SNRPG: variants seen among roughly 807,000 people sequenced by gnomAD.
SNRPG encodes small nuclear ribonucleoprotein polypeptide G.
A neutral mutation model predicts 13.9 loss-of-function variants in SNRPG; 3 were observed. The observed-to-expected ratio is 0.22, with a 90% CI of 0.10 to 0.56. The LOEUF is 0.56. SNRPG is among the 20% of genes least tolerant of loss of function. SNRPG has a pLI of 0.93. For missense variants in SNRPG, 34 were observed against 96.1 expected (o/e 0.35, Z 2.70); for synonymous variants, 29 against 29.3 (o/e 0.99, Z 0.03).
intron 1 of SNRPG, chr2:70,293,060 C>T: frequency 1.4e-6 from 1 of 689,758 alleles, no homozygotes; most frequent in East Asian, 2.7e-5. Context: ...ATAGTTTCAA[C>T]ATCAGAGCAA....
chr2:70,285,457 A>G (rs1209571424), intron 3 of SNRPG, among the ~76,000 whole-genome samples: 2 of 152,252 alleles, frequency 1.3e-5, no homozygotes, highest in African/African-American at 2.4e-5. Context: ...CTGTAGTCCC[A>G]GCTACTCGGG....
chr2:70,288,257 A>G, intron 2 of SNRPG, 65 bp from the exon 3 acceptor site: 1 of 1,386,994 alleles, frequency 7.2e-7, no homozygotes, highest in South Asian at 1.2e-5. Flanking sequence ...TTCACTAAAA[A>G]TCAGGTGGGA....
chr2:70,293,580 T>C, intron 1 of SNRPG, 38 bp downstream of exon 1: 1 of 1,587,442 alleles, frequency 6.3e-7, no homozygotes, highest in Non-Finnish European at 8.7e-7. Flanking sequence ...AGGACGCAAA[T>C]AACTGACCAC....
chr2:70,283,096 C>CAAAAAAAAAAAAAAAAAAA (rs57862220), intron 3 of SNRPG, among the ~76,000 whole-genome samples: 12 of 14,038 alleles, frequency 8.5e-4, no homozygotes, highest in African/African-American at 2.7e-3. Context: ...TGTCTTTTGT[C>CAAAAAAAAAAAAAAAAAAA]AAAAAAAAAA....
At chr2:70,290,823 T>TGAAAAAAA (rs1559045715) in intron 1 of SNRPG, among the ~76,000 whole-genome samples, 1 of 25,262 alleles carries the variant, frequency 4.0e-5, no homozygotes, top group African/African-American at 1.9e-4. Context: ...CCGTCTCTAC[T>TGAAAAAAA]AAAAAAAAAA....
At chr2:70,291,478 T>G (rs557494137) in intron 1 of SNRPG, among the ~76,000 whole-genome samples, 33 of 152,270 alleles carry the variant, frequency 2.2e-4, no homozygotes. Flanking sequence ...CCAGTTAATT[T>G]TGTATTGTTG....
chr2:70,291,014 A>AAAACACAC (rs376564500), intron 1 of SNRPG, among the ~76,000 whole-genome samples: 1 of 133,584 alleles, frequency 7.5e-6, no homozygotes, highest in African/African-American at 2.8e-5. Context: ...TCCATCTCAA[A>AAAACACAC]ACACACACAC....
intron 3 of SNRPG, among the ~76,000 whole-genome samples, chr2:70,283,721 G>T (rs1233202265): frequency 6.6e-6 from 1 of 152,164 alleles, no homozygotes; most frequent in Non-Finnish European, 1.5e-5. Context: ...GAACCTGGCA[G>T]CCAATTATCA....
At chr2:70,283,861 C>G (rs1412209238) in intron 3 of SNRPG, among the ~76,000 whole-genome samples, 1 of 152,148 alleles carries the variant, frequency 6.6e-6, no homozygotes, top group Non-Finnish European at 1.5e-5. Flanking sequence ...GAGTTTGAGA[C>G]CAGCCTGGGC....
At chr2:70,283,115 A>C (rs556699847) in intron 3 of SNRPG, among the ~76,000 whole-genome samples, 4 of 147,206 alleles carry the variant, frequency 2.7e-5, no homozygotes, top group Non-Finnish European at 4.5e-5. Flanking sequence ...AAAAAAAAAA[A>C]AAAAAAAAAC....
intron 1 of SNRPG, 188 bp downstream of exon 1, chr2:70,293,430 C>A: frequency 1.5e-6 from 1 of 672,644 alleles, no homozygotes; most frequent in Non-Finnish European, 2.7e-6. Context: ...TGTAACCACA[C>A]CGACGCGCGA....
chr2:70,283,577 A>C (rs543066639), intron 3 of SNRPG, among the ~76,000 whole-genome samples: 1 of 152,314 alleles, frequency 6.6e-6, no homozygotes, highest in African/African-American at 2.4e-5. Flanking sequence ...CTTAGGTGCA[A>C]AACCCCAGTG....
At chr2:70,283,096 C>CAAAAAAAAAAAAAAAA (rs57862220) in intron 3 of SNRPG, among the ~76,000 whole-genome samples, 6 of 14,034 alleles carry the variant, frequency 4.3e-4, no homozygotes, top group Admixed American at 2.3e-3. Flanking sequence ...TGTCTTTTGT[C>CAAAAAAAAAAAAAAAA]AAAAAAAAAA....
chr2:70,284,576 G>T (rs1696894139), intron 3 of SNRPG, among the ~76,000 whole-genome samples: 1 of 151,920 alleles, frequency 6.6e-6, no homozygotes, highest in Admixed American at 6.6e-5. Flanking sequence ...TAGAGACAGG[G>T]TCTCACCATG....
chr2:70,290,469 G>A (rs1697056052), intron 1 of SNRPG, among the ~76,000 whole-genome samples: 2 of 151,196 alleles, frequency 1.3e-5, no homozygotes, highest in South Asian at 4.1e-4. Flanking sequence ...AGTCAAATCA[G>A]TTTTTAATTT....
At chr2:70,289,742 T>C (rs1465238969) in intron 1 of SNRPG, among the ~76,000 whole-genome samples, 1 of 152,088 alleles carries the variant, frequency 6.6e-6, no homozygotes. Context: ...GCCTGCCACG[T>C]TGAGGCTGCA....
chr2:70,282,203 A>G (rs983940058), intron 3 of SNRPG, among the ~76,000 whole-genome samples: 1 of 152,202 alleles, frequency 6.6e-6, no homozygotes, highest in Non-Finnish European at 1.5e-5. Context: ...GGCGTGAGCT[A>G]CTACGCCTGG....
chr2:70,283,007 A>T (rs1190177052), intron 3 of SNRPG, among the ~76,000 whole-genome samples: 1 of 147,904 alleles, frequency 6.8e-6, no homozygotes, highest in African/African-American at 2.5e-5. Context: ...GGCAGGAGAA[A>T]TCACTTGAAC....
At chr2:70,284,506 C>A (rs1418516307) in intron 3 of SNRPG, among the ~76,000 whole-genome samples, 1 of 152,164 alleles carries the variant, frequency 6.6e-6, no homozygotes, top group African/African-American at 2.4e-5. Flanking sequence ...ACTTCAGCCT[C>A]TCAAGTAGCT....
Sources: gnomAD v4.1 joint callset for allele counts (sites outside exome capture counted in the v4.1 genomes callset) on GRCh38, gnomAD v4.1.1 for gene constraint, MANE v1.5 for transcripts, NCBI Gene and HGNC (gene_info 2026-07-23, HGNC 2026-07-21) for gene names.